Variants in BRWD1 observed in about 807,000 individuals in gnomAD.
BRWD1 encodes bromodomain and WD repeat domain containing 1.
Under a neutral mutation model 251.2 loss-of-function variants are expected in BRWD1, and 82 were observed. That is an observed-to-expected ratio of 0.33 (90% CI 0.27 to 0.39). BRWD1 has a LOEUF of 0.39. BRWD1 is among the 10% of genes least tolerant of loss of function. The pLI is 1.00. For missense variants in BRWD1, 2,233 were observed against 2,711.6 expected (o/e 0.82, Z 3.92); for synonymous variants, 918 against 902.8 (o/e 1.02, Z -0.30).
intron 17 of BRWD1, among the ~76,000 whole-genome samples, chr21:39,260,267 A>G (rs1175665135): frequency 6.6e-6 from 1 of 151,348 alleles, no homozygotes; most frequent in Non-Finnish European, 1.5e-5. Context: ...TCTAATCGGC[A>G]TAAGCCAAAA....
intron 32 of BRWD1, among the ~76,000 whole-genome samples, 160 bp downstream of exon 32, chr21:39,215,077 G>GC (rs11434832): frequency 1 from 151,383 of 151,436 alleles, 75,665 homozygotes; most frequent in Middle Eastern, 1. Context: ...CACCATGTTG[G>GC]TACGCTGGTC....
chr21:39,313,356 CCAGGGGAGCCGGGGGAGCCCGGGGAG>C, intron 1 of BRWD1, 57 bp from the exon 2 acceptor site: 1 of 1,476,684 alleles, frequency 6.8e-7, no homozygotes, highest in Non-Finnish European at 9.1e-7. Context: ...GGGGACGGGG[CCAGGGGAGCCGGGGGAGCCCGGGGAG>C]CCGGGGAAGC....
intron 19 of BRWD1, among the ~76,000 whole-genome samples, chr21:39,253,464 GTCTT>G (rs955535621): frequency 6.6e-6 from 1 of 151,872 alleles, no homozygotes; most frequent in African/African-American, 2.4e-5. Flanking sequence ...AATTTTTCAG[GTCTT>G]TCTCTCTTGA....
At chr21:39,296,042 ATTC>A in intron 6 of BRWD1, 139 bp from the exon 7 acceptor site, 1 of 702,624 alleles carries the variant, frequency 1.4e-6, no homozygotes, top group Non-Finnish European at 2.1e-6. Flanking sequence ...TCCCAATTCT[ATTC>A]TTCTGTATTC....
intron 5 of BRWD1, chr21:39,296,835 T>C (rs2035974122): frequency 3.1e-6 from 3 of 975,298 alleles, no homozygotes; most frequent in Non-Finnish European, 3.7e-6. Context: ...ATACTAAAGA[T>C]GAAAGGTCTT....
At chr21:39,240,556 C>T (rs1568904121) in intron 21 of BRWD1, among the ~76,000 whole-genome samples, 1 of 152,110 alleles carries the variant, frequency 6.6e-6, no homozygotes, top group Non-Finnish European at 1.5e-5. Context: ...TACAAAAATA[C>T]GTATACAAAA....
In BRWD1 at chr21:39,185,578, G is replaced by C. The variant is rs1018566498; in HGVS notation, c.*10681C>G. On this transcript the variant is annotated 3_prime_UTR_variant, in exon 41 of 41. Transcript: ENST00000342449. ...TTTAGATGAAAGTATACTACAAAAG[G>C]AGCAAAGGACACAGACTTAGTAGGT... 1.3e-5 allele frequency: 2 copies of C among 151,864 alleles called. No individual in the cohort carries two copies. Among genetic ancestry groups the C allele is most frequent in the Admixed American group, 6.6e-5 (1 of 15,238 alleles). The allele number at this position is 151,864 out of a possible 1,614,324, so 9.4% of individuals were successfully genotyped here.
chr21:39,280,297 T>C, intron 8 of BRWD1, 49 bp from the exon 9 acceptor site: 1 of 1,436,058 alleles, frequency 7.0e-7, no homozygotes, highest in South Asian at 1.2e-5. Context: ...TCTACTTAAG[T>C]TACAGTTTAA....
intron 17 of BRWD1, among the ~76,000 whole-genome samples, chr21:39,260,028 T>TA (rs2034690352): frequency 6.6e-6 from 1 of 152,130 alleles, no homozygotes; most frequent in Non-Finnish European, 1.5e-5. Context: ...ATATCACTGA[T>TA]AATGTCTTTG....
chr21:39,278,240 AAAC>A (rs148907816), intron 10 of BRWD1, among the ~76,000 whole-genome samples: 2,313 of 152,268 alleles, frequency 0.015, 57 homozygotes, highest in African/African-American at 0.053. Flanking sequence ...TCTGCTTTCT[AAAC>A]AATTCTACAT....
intron 32 of BRWD1, 142 bp downstream of exon 32, chr21:39,215,095 C>T (rs1055566642): frequency 2.8e-6 from 2 of 719,226 alleles, no homozygotes; most frequent in Admixed American, 2.7e-5. Context: ...GTCTCAAATG[C>T]CTGACCGCAA....
intron 18 of BRWD1, among the ~76,000 whole-genome samples, chr21:39,257,202 TAAA>T (rs5843954): frequency 4.4e-5 from 6 of 137,004 alleles, no homozygotes; most frequent in African/African-American, 1.1e-4. Context: ...TGAAGCTATT[TAAA>T]AAAAAAAAAA....
downstream of BRWD1, chr21:39,184,556 G>T (rs912859365): frequency 1.3e-5 from 2 of 152,216 alleles, no homozygotes; most frequent in Non-Finnish European, 2.9e-5. Context: ...AGTCACGAAG[G>T]TAAGTACTAC....
chr21:39,284,105 T>TTAA (rs777033262), intron 8 of BRWD1, among the ~76,000 whole-genome samples: 43 of 152,222 alleles, frequency 2.8e-4, no homozygotes, highest in Non-Finnish European at 5.3e-4. Flanking sequence ...TAAGCACTCT[T>TTAA]TAATATATGC....
chr21:39,194,233 A>T lies in BRWD1; in HGVS notation c.*2026T>A. Reference sequence around the variant, plus strand: ...TGTTTTATACCAAAAGAATGTATGTACTTATGAATGTATTCCATATTTATT... The same window carrying T: ...TGTTTTATACCAAAAGAATGTATGTTCTTATGAATGTATTCCATATTTATT... On this transcript the variant is annotated 3_prime_UTR_variant, in exon 41 of 41. Coordinates refer to ENST00000342449, the MANE Select transcript of BRWD1 (RefSeq NM_033656.4). The T allele has an allele frequency of 1.0e-6, 1 of 984,532 alleles. No homozygotes were observed. Among genetic ancestry groups the T allele is most frequent in the Non-Finnish European group, 1.2e-6 (1 of 827,564 alleles). The allele number at this position is 984,532 out of a possible 1,614,324, so 61.0% of individuals were successfully genotyped here.
At chr21:39,271,971 G>A (rs1380528426) in intron 13 of BRWD1, among the ~76,000 whole-genome samples, 42 of 125,472 alleles carry the variant, frequency 3.3e-4, no homozygotes, top group African/African-American at 9.6e-4. Context: ...CCCAGGAGGC[G>A]AAGGTTGCAA....
intron 20 of BRWD1, among the ~76,000 whole-genome samples, chr21:39,248,641 CAAAAAAAAAAAAAAAA>C (rs375430016): frequency 0.01 from 871 of 83,162 alleles, 15 homozygotes; most frequent in African/African-American, 0.021. Flanking sequence ...CCCTATCTCC[CAAAAAAAAAAAAAAAA>C]AAAAAAAAAA....
rs1231758493 is a variant in BRWD1 at position 39,264,483 on chromosome 21, G to A, written c.1862C>T (p.Pro621Leu). 6.2e-7 allele frequency: 1 copy of A among 1,605,502 alleles called. No homozygotes were observed. The highest frequency in any genetic ancestry group is 8.5e-7 in the Non-Finnish European group (1 of 1,177,106). ...RENSADEHLIPQLGYVATSDG... is the reference protein window; with the variant it reads ...RENSADEHLILQLGYVATSDG... ...ACTTGTTGCCACATAGCCCAGCTGT[G>A]GAATCAAATGTTCATCTGCAGAATT... The change falls in exon 17 of 41, where the codon CCA becomes CTA. Residue 621 changes from proline to leucine, a missense_variant. Pro to Leu is a moderately conservative substitution (Grantham distance 98, BLOSUM62 -3). Coordinates refer to ENST00000342449, the MANE Select transcript of BRWD1 (RefSeq NM_033656.4).
rs747540754 is a variant in BRWD1, at chr21:39,206,194, T to C, written c.4278A>G (p.Gln1426=). 4 of 1,613,376 alleles carry C rather than the reference T, an allele frequency of 2.5e-6. No individual in the cohort carries two copies. In the East Asian group the frequency reaches 8.9e-5, roughly 36 times the overall value. ...TTCTTCGAAGTTTTTCATTGAATTT[T>C]TGACCAATTTTAAAATCAGAAGAGA... The part of the protein sequence containing the change: ...KKISSDFKIG[Q]KFNEKLRRSQ... Residue 1426 remains glutamine, a synonymous_variant, in exon 37 of 41, where the codon CAA becomes CAG. Coordinates refer to ENST00000342449, the MANE Select transcript of BRWD1 (RefSeq NM_033656.4).
Sources: gnomAD v4.1 joint callset for allele counts (sites outside exome capture counted in the v4.1 genomes callset) on GRCh38, gnomAD v4.1.1 for gene constraint, MANE v1.5 for transcripts, NCBI Gene and HGNC (gene_info 2026-07-23, HGNC 2026-07-21) for gene names.